Variants in PSD3 observed in about 807,000 individuals in gnomAD.
PSD3 encodes the protein pleckstrin and Sec7 domain containing 3, also known as PH and SEC7 domain-containing protein 3.
PSD3 carries 49 observed loss-of-function variants against 105.5 expected under a neutral mutation model. That is an observed-to-expected ratio of 0.46 (90% CI 0.37 to 0.59). The LOEUF is 0.59. Ranked by LOEUF, PSD3 falls within the 20% of genes least tolerant of loss-of-function variation. PSD3 has a pLI of 0.00. For missense variants in PSD3, 1,561 were observed against 1,263.8 expected (o/e 1.24, Z -3.57); for synonymous variants, 557 against 457.8 (o/e 1.22, Z -2.77).
At chr8:19,015,791 A>G (rs1441771530), upstream of PSD3, among the ~76,000 whole-genome samples, 1 of 152,234 alleles carries the variant, frequency 6.6e-6, no homozygotes, top group East Asian at 1.9e-4. Context: ...CTCCTGGCCT[A>G]TAGTGAATGT....
At position 18,804,542 on chromosome 8, in the gene PSD3, C is replaced by T; in HGVS notation, c.1890G>A (p.Met630Ile). The T allele has an allele frequency of 6.2e-7, 1 of 1,612,780 alleles. No homozygotes were observed. Among genetic ancestry groups the T allele is most frequent in the Non-Finnish European group, 8.5e-7 (1 of 1,178,816 alleles). The change falls in exon 6 of 16, where the codon ATG becomes ATA. Residue 630 changes from methionine to isoleucine, a missense_variant. Physicochemically the swap from Met to Ile is conservative, Grantham distance 10. Coordinates refer to ENST00000327040, the MANE Select transcript of PSD3 (RefSeq NM_015310.4). ...EYLKFFDFTGMTLDQSLRYFF... is the reference protein window; with the variant it reads ...EYLKFFDFTGITLDQSLRYFF... The stretch of plus-strand genomic sequence containing the variant: ...CATACCTGAGTGACTGATCCAGCGT[C>T]ATTCCTGTAAAATCAAAAAACTTCA...
At chr8:18,759,710 G>T (rs947281114) in intron 9 of PSD3, among the ~76,000 whole-genome samples, 1 of 152,058 alleles carries the variant, frequency 6.6e-6, no homozygotes, top group Non-Finnish European at 1.5e-5. Context: ...CTACAGTCTA[G>T]ATGTCTCTTC....
At chr8:18,956,130 C>G (rs1293298783) in intron 1 of PSD3, among the ~76,000 whole-genome samples, 3 of 152,142 alleles carry the variant, frequency 2.0e-5, no homozygotes, top group Non-Finnish European at 4.4e-5. Flanking sequence ...AAGAAAAAGA[C>G]TTTTCTGAGG....
intron 2 of PSD3, among the ~76,000 whole-genome samples, chr8:18,909,342 G>C (rs1260155017): frequency 6.6e-6 from 1 of 152,106 alleles, no homozygotes; most frequent in Non-Finnish European, 1.5e-5. Context: ...GTGACTGGAT[G>C]CTTCAATATA....
intron 1 of PSD3, among the ~76,000 whole-genome samples, chr8:18,936,905 G>C (rs1822176811): frequency 6.6e-6 from 1 of 152,108 alleles, no homozygotes; most frequent in South Asian, 2.1e-4. Flanking sequence ...CCCCAAAATA[G>C]ATCACATTTT....
intron 1 of PSD3, among the ~76,000 whole-genome samples, chr8:19,001,407 G>C (rs1372362855): frequency 6.6e-6 from 1 of 150,916 alleles, no homozygotes; most frequent in African/African-American, 2.5e-5. Context: ...CACATGCACA[G>C]TTTCCCCCAT....
intron 1 of PSD3, among the ~76,000 whole-genome samples, chr8:19,036,488 T>C (rs1054138354): frequency 4.6e-5 from 7 of 152,184 alleles, no homozygotes; most frequent in Admixed American, 2.6e-4. Flanking sequence ...AGAGATCCTC[T>C]AATCCAGCTC....
intron 9 of PSD3, among the ~76,000 whole-genome samples, chr8:18,717,029 A>G (rs1165634210): frequency 6.6e-6 from 1 of 152,190 alleles, no homozygotes; most frequent in African/African-American, 2.4e-5. Flanking sequence ...AACAAAACTC[A>G]GACCTCTGGA....
At chr8:18,869,530 C>A (rs1225610127) in intron 3 of PSD3, among the ~76,000 whole-genome samples, 1 of 152,158 alleles carries the variant, frequency 6.6e-6, no homozygotes, top group Non-Finnish European at 1.5e-5. Flanking sequence ...AATCTTCAAG[C>A]CTGGCACAGG....
chr8:18,958,240 A>G (rs773440367), intron 1 of PSD3, among the ~76,000 whole-genome samples: 2 of 152,252 alleles, frequency 1.3e-5, no homozygotes, highest in South Asian at 2.1e-4. Context: ...ATGTATGCAT[A>G]TAATGTATCA....
chr8:18,776,364 A>C (rs1313852371), intron 8 of PSD3, among the ~76,000 whole-genome samples: 5 of 143,326 alleles, frequency 3.5e-5, no homozygotes, highest in African/African-American at 1.3e-4. Flanking sequence ...ATATATATCT[A>C]AATATATGTA....
intron 1 of PSD3, among the ~76,000 whole-genome samples, chr8:19,012,972 C>T (rs1827023666): frequency 6.6e-6 from 1 of 152,024 alleles, no homozygotes; most frequent in African/African-American, 2.4e-5. Flanking sequence ...TCACCAACAA[C>T]ATTCTAAACC....
intron 14 of PSD3, among the ~76,000 whole-genome samples, chr8:18,560,613 G>C (rs1319294167): frequency 6.6e-6 from 1 of 151,904 alleles, no homozygotes; most frequent in Non-Finnish European, 1.5e-5. Context: ...TATGTCAATA[G>C]ATTTAAATCA....
chr8:18,547,624 G>C (rs892776124), intron 15 of PSD3, among the ~76,000 whole-genome samples: 1 of 152,140 alleles, frequency 6.6e-6, no homozygotes, highest in Non-Finnish European at 1.5e-5. Context: ...CACTCTAATT[G>C]AGTTTCAGTT....
intron 8 of PSD3, among the ~76,000 whole-genome samples, chr8:18,790,917 T>C (rs1019647764): frequency 1.3e-5 from 2 of 152,146 alleles, no homozygotes; most frequent in Non-Finnish European, 2.9e-5. Flanking sequence ...ATCACTAGCA[T>C]TCCTACACAC....
intron 1 of PSD3, among the ~76,000 whole-genome samples, chr8:19,069,157 T>C (rs1829173471): frequency 6.6e-6 from 1 of 152,222 alleles, no homozygotes; most frequent in Non-Finnish European, 1.5e-5. Flanking sequence ...TGAATGCAAA[T>C]GTCATTAAAT....
At chr8:19,032,888 C>G (rs763783270) in intron 1 of PSD3, among the ~76,000 whole-genome samples, 64 of 152,152 alleles carry the variant, frequency 4.2e-4, no homozygotes, top group Non-Finnish European at 8.5e-4. Context: ...ATTAAGAAGG[C>G]TAGTTTAATG....
intron 9 of PSD3, among the ~76,000 whole-genome samples, chr8:18,736,511 A>G (rs1385835167): frequency 1.3e-5 from 2 of 152,174 alleles, no homozygotes; most frequent in Admixed American, 1.3e-4. Flanking sequence ...CTAAAACTAG[A>G]GTCTATTTAT....
rs145302798 is a variant in PSD3 at position 18,820,736 on chromosome 8, G to A, written c.1635-15838C>T. 1.5e-3 allele frequency among the ~76,000 whole-genome samples: 225 copies of A among 152,224 alleles called. 1 individual carries two copies. Among genetic ancestry groups the A allele is most frequent in the African/African-American group, 4.8e-3 (201 of 41,546 alleles). ...ATACAACAGTCTGCTGTATGCAGTT[G>A]CCTTAAAACTCAGTAACATTTAATT... On this transcript the variant is annotated intron_variant, in intron 4 of 15. Transcript: ENST00000327040.
Sources: gnomAD v4.1 joint callset for allele counts (sites outside exome capture counted in the v4.1 genomes callset) on GRCh38, gnomAD v4.1.1 for gene constraint, MANE v1.5 for transcripts, NCBI Gene and HGNC (gene_info 2026-07-23, HGNC 2026-07-21) for gene names.